ARFIP1: variants seen among roughly 807,000 people sequenced by gnomAD.
The protein encoded by ARFIP1 is ARF interacting protein 1, also known as arfaptin-1.
Under a neutral mutation model 42.5 loss-of-function variants are expected in ARFIP1, and 24 were observed. The observed-to-expected ratio is 0.57, with a 90% CI of 0.41 to 0.80. The LOEUF (loss-of-function observed/expected upper bound fraction) is 0.80, where lower values mean the gene tolerates loss of function less well. Among genes scored for constraint, ARFIP1 ranks in the 30% least tolerant of loss-of-function variants. ARFIP1 has a pLI of 0.00. For missense variants in ARFIP1, 354 were observed against 434.0 expected, an observed-to-expected ratio of 0.82 and a Z score of 1.64; for synonymous variants, 141 against 153.7, an observed-to-expected ratio of 0.92 and a Z score of 0.61.
intron 2 of ARFIP1, among the ~76,000 whole-genome samples, chr4:152,842,175 T>C (rs1361061111): frequency 2.0e-5 from 3 of 151,586 alleles, no homozygotes; most frequent in African/African-American, 7.3e-5. Context: ...AAACAGGAGG[T>C]AGAGAAATAG....
chr4:152,804,115 C>G (rs112728025), intron 1 of ARFIP1, among the ~76,000 whole-genome samples: 14,841 of 44,346 alleles, frequency 0.33, 2,033 homozygotes, highest in Non-Finnish European at 0.4. Flanking sequence ...TATAATATAA[C>G]ATGTATTATA....
chr4:152,904,296 A>G (rs1247255174), intron 8 of ARFIP1, among the ~76,000 whole-genome samples: 1 of 149,862 alleles, frequency 6.7e-6, no homozygotes, highest in Non-Finnish European at 1.5e-5. Context: ...AGTTCAAGCA[A>G]CTCTCCTGCC....
At chr4:152,872,657 TAG>T (rs1212742976) in intron 5 of ARFIP1, 93 bp downstream of exon 5, 4 of 620,094 alleles carry the variant, frequency 6.5e-6, no homozygotes, top group Non-Finnish European at 1.1e-5. Context: ...TAAATGCACA[TAG>T]AGAAGAGAAA....
At chr4:152,885,288 C>T (rs973362822) in intron 7 of ARFIP1, among the ~76,000 whole-genome samples, 2 of 151,990 alleles carry the variant, frequency 1.3e-5, no homozygotes, top group Admixed American at 1.3e-4. Context: ...GGCAAATGCC[C>T]GAGTGGCCTT....
intron 3 of ARFIP1, among the ~76,000 whole-genome samples, chr4:152,866,764 C>T (rs1477328381): frequency 1.3e-5 from 2 of 151,308 alleles, no homozygotes; most frequent in African/African-American, 4.9e-5. Flanking sequence ...GGCGGAGGGT[C>T]TCCTCACTTC....
intron 2 of ARFIP1, among the ~76,000 whole-genome samples, chr4:152,857,345 A>G (rs553220367): frequency 1.6e-4 from 25 of 152,340 alleles, no homozygotes; most frequent in Non-Finnish European, 2.6e-4. Context: ...CTTTTAGAAA[A>G]CATACTAACT....
rs1163293558 is a variant in ARFIP1 at position 152,824,880 on chromosome 4, C to T, written c.-9-4745C>T. Among the ~76,000 whole-genome samples, 3 of 152,058 alleles carry T rather than the reference C, an allele frequency of 2.0e-5. No individual in the cohort carries two copies. In the East Asian group the frequency reaches 5.8e-4, roughly 29 times the overall value. On this transcript the variant is annotated intron_variant, in intron 1 of 8. Transcript: ENST00000353617. ...AATCAGTGTACACAAAATAGTAGCA[C>T]TGCTATACACCAACAACAGCCAAGC...
In ARFIP1 at chr4:152,905,545, G is replaced by GCTTTTTTTT. The variant is rs1554036969; in HGVS notation, c.967-4519_967-4518insCTTTTTTTT. Among the ~76,000 whole-genome samples the GCTTTTTTTT allele has an allele frequency of 1.3e-4, 4 of 30,378 alleles. 1 individual carries two copies. The highest frequency in any genetic ancestry group is 5.0e-4 in the African/African-American group (4 of 8,048). The allele number at this position is 30,378 out of a possible 152,430, so 19.9% of individuals were successfully genotyped here. On this transcript the variant is annotated intron_variant, in intron 8 of 8. Transcript: ENST00000353617. ...TTATTCTTACTGAATTGTAAGAATTGTTTTTTTTTTTTTTTTTTTTTTTTT... is the reference window on the plus strand; with the variant it reads ...TTATTCTTACTGAATTGTAAGAATTGCTTTTTTTTTTTTTTTTTTTTTTTTTTTTTTTTT...
chr4:152,862,874 G>A (rs1427199322), intron 2 of ARFIP1, among the ~76,000 whole-genome samples: 1 of 151,936 alleles, frequency 6.6e-6, no homozygotes, highest in African/African-American at 2.4e-5. Flanking sequence ...GTTTTACTTG[G>A]CCTTTTTGCC....
intron 1 of ARFIP1, among the ~76,000 whole-genome samples, chr4:152,811,656 A>G (rs189343401): frequency 6.5e-4 from 99 of 152,352 alleles, no homozygotes; most frequent in African/African-American, 2.3e-3. Context: ...AAGGACCTTA[A>G]ATAGCCTCAA....
At chr4:152,837,706 G>A (rs562433970) in intron 2 of ARFIP1, among the ~76,000 whole-genome samples, 1 of 152,250 alleles carries the variant, frequency 6.6e-6, no homozygotes, top group South Asian at 2.1e-4. Context: ...AGATTGTGAA[G>A]ATTTTGTCCC....
intron 2 of ARFIP1, among the ~76,000 whole-genome samples, chr4:152,833,777 C>G (rs996927151): frequency 2.0e-5 from 3 of 152,098 alleles, no homozygotes; most frequent in African/African-American, 7.2e-5. Context: ...AAGCCAGACA[C>G]AGGAAGACAA....
chr4:152,850,436 A>T (rs1006161125), intron 2 of ARFIP1, among the ~76,000 whole-genome samples: 5 of 152,210 alleles, frequency 3.3e-5, no homozygotes, highest in African/African-American at 9.6e-5. Context: ...TTTGAAATTG[A>T]CTGGAAAGAA....
intron 1 of ARFIP1, among the ~76,000 whole-genome samples, chr4:152,795,835 T>C (rs1237157821): frequency 7.3e-5 from 10 of 137,734 alleles, no homozygotes; most frequent in Non-Finnish European, 1.6e-5. Context: ...TTTTTTTTTT[T>C]TTTTTTTTTT....
chr4:152,825,453 A>G (rs1262034528), intron 1 of ARFIP1, among the ~76,000 whole-genome samples: 1 of 151,676 alleles, frequency 6.6e-6, no homozygotes, highest in Non-Finnish European at 1.5e-5. Flanking sequence ...GGGAAAGGAC[A>G]CACTATTCAA....
intron 1 of ARFIP1, among the ~76,000 whole-genome samples, chr4:152,828,497 A>T (rs1480009489): frequency 6.6e-6 from 1 of 152,232 alleles, no homozygotes; most frequent in East Asian, 1.9e-4. Flanking sequence ...CTTACTAGCC[A>T]CTTTACATTG....
At chr4:152,890,310 G>C (rs1329179119) in intron 8 of ARFIP1, among the ~76,000 whole-genome samples, 1 of 151,962 alleles carries the variant, frequency 6.6e-6, no homozygotes, top group Non-Finnish European at 1.5e-5. Context: ...GTTTACAGAG[G>C]GAGGGAAGGA....
rs560374387 is a variant in ARFIP1 at position 152,824,257 on chromosome 4, G to A, written c.-9-5368G>A. On this transcript the variant is annotated intron_variant, in intron 1 of 8. Coordinates refer to ENST00000353617, the MANE Select transcript of ARFIP1 (RefSeq NM_001025595.3). ...GAACCCAGGAGGCAGAGGTTGCAGG[G>A]AGCCTTGATCATGCCACTGCACTCC... Among the ~76,000 whole-genome samples the A allele has an allele frequency of 4.6e-5, 7 of 151,674 alleles. No individual in the cohort carries two copies. The East Asian group carries it at 1.2e-3, about 25-fold the overall frequency.
intron 5 of ARFIP1, among the ~76,000 whole-genome samples, chr4:152,879,432 C>T (rs1735642838): frequency 6.6e-6 from 1 of 152,042 alleles, no homozygotes; most frequent in Non-Finnish European, 1.5e-5. Context: ...TAGTTTTCTA[C>T]TATTCAGTGT....
Sources: gnomAD v4.1 joint callset for allele counts (sites outside exome capture counted in the v4.1 genomes callset) on GRCh38, gnomAD v4.1.1 for gene constraint, MANE v1.5 for transcripts, NCBI Gene and HGNC (gene_info 2026-07-23, HGNC 2026-07-21) for gene names.